Variants in PCYT1A observed in about 807,000 individuals in gnomAD.
PCYT1A encodes the protein choline-phosphate cytidylyltransferase A.
PCYT1A carries 25 observed loss-of-function variants against 43.7 expected under a neutral mutation model. The observed-to-expected ratio is 0.57, with a 90% confidence interval of 0.42 to 0.80. PCYT1A has a LOEUF of 0.80. Among genes scored for constraint, PCYT1A ranks in the 30% least tolerant of loss-of-function variants. PCYT1A has a pLI of 0.00. For missense variants in PCYT1A, 421 were observed against 474.2 expected (o/e 0.89, Z 1.04); for synonymous variants, 172 against 170.7 (o/e 1.01, Z -0.06).
chr3:196,257,608 G>C (rs555958348), intron 3 of PCYT1A, among the ~76,000 whole-genome samples, 180 bp downstream of exon 3: 1 of 152,276 alleles, frequency 6.6e-6, no homozygotes, highest in South Asian at 2.1e-4. Context: ...AAAAATGAAA[G>C]TTTATGGAGT....
rs1209954920 is a variant in PCYT1A at position 196,241,131 on chromosome 3, TAAAAAAAAAAAA to T, written c.708+805_708+816del. On this transcript the variant is annotated intron_variant, in intron 7 of 8. Coordinates refer to ENST00000431016, the MANE Select transcript of PCYT1A (RefSeq NM_001312673.2). Reference sequence around the variant, plus strand: ...AAACATGGCAAAACCCCATCTCTGCTAAAAAAAAAAAAAAAAAAAAAAAAAAAAAAAATTAGC... The same window carrying T: ...AAACATGGCAAAACCCCATCTCTGCTAAAAAAAAAAAAAAAAAAAATTAGC... Among the ~76,000 whole-genome samples the T allele has an allele frequency of 1.4e-4, 7 of 49,698 alleles. No homozygotes were observed. The Admixed American group carries it at 1.5e-3, about 11-fold the overall frequency. 32.6% of individuals were successfully genotyped at this position (49,698 alleles called of 152,430 possible).
chr3:196,279,829 T>C (rs1165238469), intron 1 of PCYT1A, among the ~76,000 whole-genome samples: 3 of 135,056 alleles, frequency 2.2e-5, no homozygotes, highest in African/African-American at 5.8e-5. Flanking sequence ...GTCCTTTCTT[T>C]TTTTTTTTTT....
intron 1 of PCYT1A, among the ~76,000 whole-genome samples, chr3:196,285,356 G>A (rs757193065): frequency 5.3e-5 from 8 of 152,174 alleles, no homozygotes; most frequent in South Asian, 2.1e-4. Flanking sequence ...CTATTCAGGA[G>A]GCTGAGGTAG....
rs914856570 is a variant in PCYT1A at position 196,252,062 on chromosome 3, C to T, written c.218-3739G>A. On this transcript the variant is annotated intron_variant, in intron 3 of 8. Transcript: ENST00000431016. This position sits in a 1 kb window ranked among gnomAD's most constrained non-coding sequence, Gnocchi z 4.0. ...GAAGCTGGGACTACAGCGCACACCA[C>T]CACGCCCCGCTGACTACAGCGCACC... 5.3e-5 allele frequency among the ~76,000 whole-genome samples: 8 copies of T among 151,584 alleles called. No homozygotes were observed. The highest frequency in any genetic ancestry group is 1.0e-4 in the Non-Finnish European group (7 of 67,928).
intron 2 of PCYT1A, among the ~76,000 whole-genome samples, chr3:196,262,649 A>C (rs1471277379): frequency 6.6e-6 from 1 of 152,180 alleles, no homozygotes; most frequent in Non-Finnish European, 1.5e-5. Flanking sequence ...CACACACATT[A>C]TTTCACTATT....
Position 196,276,750 on chromosome 3 carries a change from G to A in PCYT1A, c.-10-6209C>T, listed in dbSNP as rs114148125. ...AGGATTCTAAAACCATGGGGTGAAA[G>A]TTTGCTGAGGAATAGGATATTTGCA... On this transcript the variant is annotated intron_variant, in intron 1 of 8. Transcript: ENST00000431016. 9.3e-3 allele frequency among the ~76,000 whole-genome samples: 1,417 copies of A among 152,210 alleles called. 25 individuals carry two copies. Among genetic ancestry groups the A allele is most frequent in the African/African-American group, 0.032 (1,329 of 41,540 alleles).
Position 196,235,574 on chromosome 3 carries a change from A to G in PCYT1A, c.*3114T>C, listed in dbSNP as rs997093315. On this transcript the variant is annotated 3_prime_UTR_variant, in exon 9 of 9. Transcript: ENST00000431016. The surrounding 1 kb of genome is among the most constrained non-coding windows in gnomAD (Gnocchi z 4.3). Reference sequence around the variant, plus strand: ...ATTCTTCAGTGCTTCTGAATCTAGCATAAGACCAAGCTTTCCGTCCGGCCC... The same window carrying G: ...ATTCTTCAGTGCTTCTGAATCTAGCGTAAGACCAAGCTTTCCGTCCGGCCC... 5 of 152,292 alleles carry G rather than the reference A, an allele frequency of 3.3e-5. No individual in the cohort carries two copies. The highest frequency in any genetic ancestry group is 1.2e-4 in the African/African-American group (5 of 41,452). The allele number at this position is 152,292 out of a possible 1,614,324, so 9.4% of individuals were successfully genotyped here.
intron 2 of PCYT1A, chr3:196,267,413 T>C (rs1269409686): frequency 3.2e-5 from 14 of 443,396 alleles, no homozygotes; most frequent in South Asian, 1.9e-4. Context: ...GCCTTCTTTC[T>C]GGGGTGATAA....
chr3:196,280,852 C>A (rs1039357835), intron 1 of PCYT1A, among the ~76,000 whole-genome samples: 2 of 152,110 alleles, frequency 1.3e-5, no homozygotes, highest in South Asian at 2.1e-4. Flanking sequence ...ATTTTCTGAC[C>A]GTGGCTGACT....
intron 3 of PCYT1A, among the ~76,000 whole-genome samples, chr3:196,255,652 C>T (rs1724929426): frequency 6.6e-6 from 1 of 152,136 alleles, no homozygotes. Flanking sequence ...TGAGATCACA[C>T]CACCGCACTC....
rs1296654304 is a variant in PCYT1A at position 196,248,034 on chromosome 3, C to T, written c.334+173G>A. The T allele has an allele frequency of 6.4e-6, 4 of 621,436 alleles. No individual in the cohort carries two copies. In the Admixed American group the frequency reaches 8.0e-5, roughly 12 times the overall value. The allele number at this position is 621,436 out of a possible 1,614,324, so 38.5% of individuals were successfully genotyped here. A position where few individuals can be genotyped will look rare whatever the true frequency, so the allele number is the denominator to read the frequency against. On this transcript the variant is annotated intron_variant, in intron 4 of 8. Coordinates refer to ENST00000431016, the MANE Select transcript of PCYT1A (RefSeq NM_001312673.2). ...TGGCACAGTCGAGGAGCTTGAAGCT[C>T]CTCTCTCCAGGTTTAGTTTGCTGGT...
At chr3:196,287,202 T>C (rs6766480) in intron 1 of PCYT1A, 66,643 of 152,270 alleles carry the variant, frequency 0.44, 15,195 homozygotes, top group East Asian at 0.83. Flanking sequence ...ACGGATGCCA[T>C]CCTCTTCTCC....
chr3:196,255,145 T>TA (rs1724916193), intron 3 of PCYT1A, among the ~76,000 whole-genome samples: 1 of 152,230 alleles, frequency 6.6e-6, no homozygotes, highest in African/African-American at 2.4e-5. Context: ...TGCAGTTACC[T>TA]ACTTGGTGAT....
At chr3:196,276,837 G>A (rs559282478) in intron 1 of PCYT1A, among the ~76,000 whole-genome samples, 5 of 152,194 alleles carry the variant, frequency 3.3e-5, no homozygotes, top group Admixed American at 6.5e-5. Context: ...TCGGGAGGCC[G>A]AGGTGGGAGG....
At chr3:196,243,890 C>T (rs1173169162) in intron 5 of PCYT1A, among the ~76,000 whole-genome samples, 1 of 152,256 alleles carries the variant, frequency 6.6e-6, no homozygotes, top group African/African-American at 2.4e-5. Context: ...GCTACAACCT[C>T]CACCTCCCAG....
chr3:196,277,678 C>T lies in PCYT1A; in HGVS notation c.-10-7137G>A, dbSNP rs1028650313. Among the ~76,000 whole-genome samples the T allele has an allele frequency of 3.3e-5, 5 of 152,180 alleles. No homozygotes were observed. The highest frequency in any genetic ancestry group is 1.2e-4 in the African/African-American group (5 of 41,434). ...ATGAGGTCAGGAGTTCGCAACCAGC[C>T]TGGCCAACATGGTGAAACCCCATCT... On this transcript the variant is annotated intron_variant, in intron 1 of 8. Transcript: ENST00000431016. The surrounding 1 kb of genome is among the most constrained non-coding windows in gnomAD (Gnocchi z 4.1).
chr3:196,259,911 CTTTTTTT>C (rs779918737), intron 2 of PCYT1A, among the ~76,000 whole-genome samples: 20 of 48,958 alleles, frequency 4.1e-4, no homozygotes, highest in African/African-American at 1.2e-3. Context: ...TGGAAACATT[CTTTTTTT>C]TTTTTTTTTT....
intron 2 of PCYT1A, among the ~76,000 whole-genome samples, chr3:196,259,314 GTC>G (rs1725038143): frequency 6.6e-6 from 1 of 151,670 alleles, no homozygotes; most frequent in Admixed American, 6.6e-5. Flanking sequence ...TTTGCAACTT[GTC>G]TCTTTCTAGG....
At chr3:196,257,594 GA>G (rs199570974) in intron 3 of PCYT1A, among the ~76,000 whole-genome samples, 193 bp downstream of exon 3, 1 of 151,744 alleles carries the variant, frequency 6.6e-6, no homozygotes, top group Admixed American at 6.6e-5. Flanking sequence ...ATAATAATAA[GA>G]AAAAAAATGA....
Sources: allele counts gnomAD v4.1 joint callset (sites outside exome capture counted in the v4.1 genomes callset), GRCh38; gene constraint gnomAD v4.1.1; non-coding constraint Gnocchi (gnomAD v3.1); transcripts MANE v1.5; gene names NCBI Gene and HGNC (gene_info 2026-07-23, HGNC 2026-07-21).